INHBA: variants seen among roughly 807,000 people sequenced by gnomAD.
INHBA encodes inhibin beta A chain.
Under a neutral mutation model 29.0 loss-of-function variants are expected in INHBA, and 1 was observed. That is an observed-to-expected ratio of 0.03 (90% CI 0.01 to 0.16). The LOEUF is 0.16. Among genes scored for constraint, INHBA ranks in the 10% least tolerant of loss-of-function variants. INHBA has a pLI of 1.00. For synonymous variants in INHBA, 242 were observed against 216.8 expected (o/e 1.12, Z -1.02); for missense variants, 376 against 545.4 (o/e 0.69, Z 3.09).
Position 41,690,025 on chromosome 7 carries a change from G to A in INHBA, c.906C>T (p.Asp302=). ...FLMLQARQSE[D]HPHRRRRRGL... is the part of the protein sequence containing the mutation. ...CCCGCCGACGCCGGCGATGAGGGTGGTCTTCAGACTGCCGGGCCTGCAGCA... is the reference window on the plus strand; with the variant it reads ...CCCGCCGACGCCGGCGATGAGGGTGATCTTCAGACTGCCGGGCCTGCAGCA... Residue 302 remains aspartate (D), a synonymous_variant, in exon 3 of 3, where the codon GAC becomes GAT. Coordinates refer to ENST00000242208, the MANE Select transcript of INHBA (RefSeq NM_002192.4). 2 of 1,614,060 alleles carry A rather than the reference G, an allele frequency of 1.2e-6. No individual in the cohort carries two copies. The highest frequency in any genetic ancestry group is 1.7e-6 in the Non-Finnish European group (2 of 1,180,036).
Position 41,688,720 on chromosome 7 carries a change from AAAC to A in INHBA, c.*927_*929del, listed in dbSNP as rs572265294. The A allele has an allele frequency of 3.9e-3, 648 of 164,612 alleles. 1 individual carries two copies. Among genetic ancestry groups the A allele is most frequent in the Non-Finnish European group, 7.1e-3 (539 of 75,814 alleles). The allele number at this position is 164,612 out of a possible 1,614,324, so 10.2% of individuals were successfully genotyped here. A position where few individuals can be genotyped will look rare whatever the true frequency, so the allele number is the denominator to read the frequency against. On this transcript the variant is annotated 3_prime_UTR_variant, in exon 3 of 3. Transcript: ENST00000242208. ...TGCAAATAGTAAACGATTAAAAAAA[AAAC>A]AACAACAACATTTACAAAATATAGA...
At chr7:41,701,124 CCTT>C (rs1408891732) in intron 1 of INHBA, among the ~76,000 whole-genome samples, 3 of 152,060 alleles carry the variant, frequency 2.0e-5, no homozygotes, top group Non-Finnish European at 4.4e-5. Context: ...CCTGGTTTCA[CCTT>C]CTTCCTTTTT....
Position 41,689,699 on chromosome 7 carries a change from A to T in INHBA, c.1232T>A (p.Ile411Asn). ...MLYYDDGQNI[I>N]KKDIQNMIVE... is the part of the protein sequence containing the mutation. ...GATCATGTTCTGAATGTCCTTTTTG[A>T]TGATGTTTTGACCATCATCATAGTA... The change falls in exon 3 of 3, where the codon ATC (isoleucine) becomes AAC (asparagine). Residue 411 changes from isoleucine to asparagine, a missense_variant. By Grantham distance (149) the Ile-to-Asn change is moderately radical. This residue lies in a region of INHBA where 50 missense variants were observed against 137.9 expected (regional missense o/e 0.36). Transcript: ENST00000242208. The T allele has an allele frequency of 6.2e-7, 1 of 1,609,766 alleles. No homozygotes were observed. Among genetic ancestry groups the T allele is most frequent in the African/African-American group, 1.3e-5 (1 of 74,796 alleles).
chr7:41,694,762 T>C (rs755258509), intron 2 of INHBA, among the ~76,000 whole-genome samples: 2 of 152,150 alleles, frequency 1.3e-5, no homozygotes, highest in Non-Finnish European at 2.9e-5. Context: ...TAATATTTCA[T>C]CACTTAAACC....
chr7:41,690,795 G>A (rs1239947254), intron 2 of INHBA, among the ~76,000 whole-genome samples: 1 of 152,174 alleles, frequency 6.6e-6, no homozygotes, highest in Non-Finnish European at 1.5e-5. Flanking sequence ...TTAAACATTA[G>A]TGCCTGTAAA....
At chr7:41,697,379 A>G (rs1164936306) in intron 2 of INHBA, among the ~76,000 whole-genome samples, 1 of 152,230 alleles carries the variant, frequency 6.6e-6, no homozygotes, top group Admixed American at 6.5e-5. Flanking sequence ...TCAACTTTAC[A>G]AAAATTGAGC....
At position 41,690,411 on chromosome 7, in the gene INHBA, G is replaced by T; in HGVS notation, c.520C>A (p.Arg174Ser). 6.2e-7 allele frequency: 1 copy of T among 1,614,052 alleles called. No individual in the cohort carries two copies. The highest frequency in any genetic ancestry group is 8.5e-7 in the Non-Finnish European group (1 of 1,180,024). ...GGGTGCTTCTGCTGCTGGAAGAGGC[G>T]GATGGTGACTTTGGTCCTGGTCCTG... ...ANRTRTKVTI[R>S]LFQQQKHPQG... The change falls in exon 3 of 3, where the codon CGC becomes AGC. Residue 174 changes from arginine (R) to serine (S), a missense_variant. Coordinates refer to ENST00000242208, the MANE Select transcript of INHBA (RefSeq NM_002192.4).
chr7:41,688,259 C>A lies in INHBA; in HGVS notation c.*1391G>T, dbSNP rs1794427397. The A allele has an allele frequency of 6.6e-6, 1 of 152,162 alleles. No individual in the cohort carries two copies. The allele number at this position is 152,162 out of a possible 1,614,324, so 9.4% of individuals were successfully genotyped here. Reference sequence around the variant, plus strand: ...TATGCACAAGCAATGTATATATACACATACAAGCATGTAGTTCCATGAATT... The same window carrying A: ...TATGCACAAGCAATGTATATATACAAATACAAGCATGTAGTTCCATGAATT... On this transcript the variant is annotated 3_prime_UTR_variant, in exon 3 of 3. Coordinates refer to ENST00000242208, the MANE Select transcript of INHBA (RefSeq NM_002192.4).
chr7:41,697,984 A>G lies in INHBA; in HGVS notation c.388+2003T>C, dbSNP rs1040818235. Among the ~76,000 whole-genome samples, 38 of 152,236 alleles carry G rather than the reference A, an allele frequency of 2.5e-4. 1 individual carries two copies. The highest frequency in any genetic ancestry group is 2.2e-3 in the Admixed American group (33 of 15,288). On this transcript the variant is annotated intron_variant, in intron 2 of 2. Coordinates refer to ENST00000242208, the MANE Select transcript of INHBA (RefSeq NM_002192.4). ...TTCTAAGAATCCAAAGTCAAGTTGT[A>G]AAGTCAACCAGGAGTTTCCCATTAC... is the stretch of plus-strand genomic sequence containing the variant.
rs1163090037 is a variant in INHBA, at chr7:41,690,168, C to A, written c.763G>T (p.Val255Phe). ...EQCQESGASL[V>F]LLGKKKKKEE... ...TTCTTCTTCTTCTTGCCCAGGAGAACCAAGCTGGCGCCACTCTCCTGGCAC... is the reference window on the plus strand; with the variant it reads ...TTCTTCTTCTTCTTGCCCAGGAGAAACAAGCTGGCGCCACTCTCCTGGCAC... The change falls in exon 3 of 3, where the codon GTT becomes TTT. Residue 255 changes from valine to phenylalanine, a missense_variant. Coordinates refer to ENST00000242208, the MANE Select transcript of INHBA (RefSeq NM_002192.4). 1 of 1,613,628 alleles carries A rather than the reference C, an allele frequency of 6.2e-7. No individual in the cohort carries two copies. Among genetic ancestry groups the A allele is most frequent in the Non-Finnish European group, 8.5e-7 (1 of 1,180,000 alleles).
Position 41,686,012 on chromosome 7 carries a change from A to T in INHBA, c.*3638T>A, listed in dbSNP as rs1288930260. The T allele has an allele frequency of 6.6e-6, 1 of 152,102 alleles. No homozygotes were observed. Among genetic ancestry groups the T allele is most frequent in the Admixed American group, 6.6e-5 (1 of 15,262 alleles). 9.4% of individuals were successfully genotyped at this position (152,102 alleles called of 1,614,324 possible). On this transcript the variant is annotated 3_prime_UTR_variant, in exon 3 of 3. Transcript: ENST00000242208. ...TGGGTCCGTGCTTAATACAACTGAG[A>T]CATATTTGTTCTCTGTTTTTTTAGA...
intron 2 of INHBA, among the ~76,000 whole-genome samples, chr7:41,698,844 CG>C (rs1320432710): frequency 6.6e-6 from 1 of 152,144 alleles, no homozygotes; most frequent in Non-Finnish European, 1.5e-5. Flanking sequence ...TATACTGCTG[CG>C]GCAAACTTTT....
At chr7:41,705,254 G>A (rs1459935626), upstream of INHBA, 1 of 152,582 alleles carries the variant, frequency 6.6e-6, no homozygotes, top group African/African-American at 2.4e-5. Flanking sequence ...AGGCCCTTCG[G>A]GTCCCGGCTT....
Position 41,685,589 on chromosome 7 carries a change from AT to A in INHBA, c.*4060del, listed in dbSNP as rs1337974397. On this transcript the variant is annotated 3_prime_UTR_variant, in exon 3 of 3. Transcript: ENST00000242208. ...AGATTATCTTGGCTTTCATAATTAT[AT>A]TTTTCTTTTAAAGAAAAATATCAAC... The A allele has an allele frequency of 6.6e-6, 1 of 152,154 alleles. No homozygotes were observed. The highest frequency in any genetic ancestry group is 2.4e-5 in the African/African-American group (1 of 41,460). The allele number at this position is 152,154 out of a possible 1,614,324, so 9.4% of individuals were successfully genotyped here.
At chr7:41,692,103 A>G (rs1794537318) in intron 2 of INHBA, 1 of 152,220 alleles carries the variant, frequency 6.6e-6, no homozygotes, top group African/African-American at 2.4e-5. Context: ...AACAATTACT[A>G]TGAAAGCAGG....
At chr7:41,693,247 C>T (rs1490678241) in intron 2 of INHBA, among the ~76,000 whole-genome samples, 1 of 151,926 alleles carries the variant, frequency 6.6e-6, no homozygotes, top group East Asian at 1.9e-4. Flanking sequence ...GATAGGGAGG[C>T]TTAATAGGTT....
rs750940140 is a variant in INHBA at position 41,700,387 on chromosome 7, AGTT to A, written c.-16_-14del. 1.4e-6 allele frequency: 2 copies of A among 1,435,452 alleles called. No homozygotes were observed. The highest frequency in any genetic ancestry group is 2.4e-5 in the East Asian group (1 of 42,414). The allele number at this position is 1,435,452 out of a possible 1,614,324, so 88.9% of individuals were successfully genotyped here. A position where few individuals can be genotyped will look rare whatever the true frequency, so the allele number is the denominator to read the frequency against. On this transcript the variant is annotated 5_prime_UTR_variant, in exon 2 of 3. Coordinates refer to ENST00000242208, the MANE Select transcript of INHBA (RefSeq NM_002192.4). ...AAAGCAAGGGCATCCTGGCAGCAAAAGTTGTTGTGATTGCCTTTTTAAAAGGCC... is the reference window on the plus strand; with the variant it reads ...AAAGCAAGGGCATCCTGGCAGCAAAAGTTGTGATTGCCTTTTTAAAAGGCC...
At chr7:41,699,470 C>T (rs1387466118) in intron 2 of INHBA, among the ~76,000 whole-genome samples, 4 of 152,056 alleles carry the variant, frequency 2.6e-5, no homozygotes, top group Non-Finnish European at 5.9e-5. Context: ...CAATGTGGCC[C>T]CAGATTGGAC....
chr7:41,704,359 A>G (rs1015710527), upstream of INHBA, among the ~76,000 whole-genome samples: 152 of 151,936 alleles, frequency 1.0e-3, no homozygotes, highest in Non-Finnish European at 5.6e-4. Context: ...AGTAGGAAAA[A>G]AATCATTAGG....
Sources: gnomAD v4.1 joint callset for allele counts (sites outside exome capture counted in the v4.1 genomes callset) on GRCh38, gnomAD v4.1.1 for gene constraint, gnomAD v4.1.1 regional missense constraint, MANE v1.5 for transcripts, NCBI Gene and HGNC (gene_info 2026-07-23, HGNC 2026-07-21) for gene names.